The following FBXL13 variants were observed in gnomAD, a reference collection of about 807,000 sequenced individuals.
FBXL13 encodes F-box and leucine-rich repeat protein 13.
FBXL13 carries 67 observed loss-of-function variants against 83.6 expected under a neutral mutation model. That is an observed-to-expected ratio of 0.80 (90% CI 0.66 to 0.98). The LOEUF (loss-of-function observed/expected upper bound fraction) is 0.98. Among genes scored for constraint, FBXL13 ranks in the 50% least tolerant of loss-of-function variants. FBXL13 has a pLI of 0.00. For synonymous variants in FBXL13, 272 were observed against 299.5 expected, an observed-to-expected ratio of 0.91 and a Z score of 0.95; for missense variants, 822 against 866.5, an observed-to-expected ratio of 0.95 and a Z score of 0.64.
At chr7:102,958,635 T>A (rs866006827) in intron 8 of FBXL13, among the ~76,000 whole-genome samples, 2 of 151,976 alleles carry the variant, frequency 1.3e-5, no homozygotes, top group Middle Eastern at 3.2e-3. Context: ...TTTATTAACT[T>A]TTTATTACTA....
At position 102,891,445 on chromosome 7, in the gene FBXL13, T is replaced by C. The variant is rs550961744; in HGVS notation, c.1009-7133A>G. The stretch of plus-strand genomic sequence containing the variant: ...ACAGTTACCTGCACACATGTCTAGT[T>C]TCCCTCCCAAGAAGCATGGACAGCA... On this transcript the variant is annotated intron_variant, in intron 11 of 19. Coordinates refer to ENST00000313221, the Ensembl canonical transcript of FBXL13. Among the ~76,000 whole-genome samples the C allele has an allele frequency of 3.3e-5, 5 of 152,364 alleles. No homozygotes were observed. In the South Asian group the frequency reaches 6.2e-4, roughly 19 times the overall value.
intron 6 of FBXL13, among the ~76,000 whole-genome samples, chr7:102,985,312 G>A (rs1020655550): frequency 6.6e-6 from 1 of 152,186 alleles, no homozygotes; most frequent in East Asian, 1.9e-4. Flanking sequence ...GTGACAGTCT[G>A]CACTTCACAC....
chr7:102,879,599 T>TG (rs1809746171), intron 14 of FBXL13, among the ~76,000 whole-genome samples: 1 of 152,178 alleles, frequency 6.6e-6, no homozygotes, highest in Non-Finnish European at 1.5e-5. Flanking sequence ...CATGCTGTTT[T>TG]TTTGTTTGTT....
At chr7:102,849,285 A>T (rs190146923) in intron 17 of FBXL13, among the ~76,000 whole-genome samples, 1 of 152,234 alleles carries the variant, frequency 6.6e-6, no homozygotes, top group Non-Finnish European at 1.5e-5. Flanking sequence ...TGTTGTTCTC[A>T]GAAAAGAACT....
chr7:102,834,098 G>GGA (rs1432090797), intron 17 of FBXL13, among the ~76,000 whole-genome samples: 1,829 of 93,656 alleles, frequency 0.02, 70 homozygotes, highest in African/African-American at 0.053. Flanking sequence ...AAGAAAGAAA[G>GGA]AAAGAAAGAA....
chr7:102,856,059 A>G (rs1177461968), intron 16 of FBXL13, among the ~76,000 whole-genome samples: 1 of 152,144 alleles, frequency 6.6e-6, no homozygotes, highest in Non-Finnish European at 1.5e-5. Context: ...TTTATGCTGA[A>G]TTTATTCCTG....
chr7:102,908,104 C>T (rs776154959), intron 11 of FBXL13, among the ~76,000 whole-genome samples: 1 of 152,078 alleles, frequency 6.6e-6, no homozygotes, highest in Non-Finnish European at 1.5e-5. Flanking sequence ...GCTATAAAGA[C>T]TCATTCTTTT....
At chr7:102,830,081 T>G (rs1479630037) in intron 18 of FBXL13, among the ~76,000 whole-genome samples, 1 of 152,144 alleles carries the variant, frequency 6.6e-6, no homozygotes, top group African/African-American at 2.4e-5. Flanking sequence ...TCTAAACCTT[T>G]GATACAGAGT....
At chr7:102,877,938 A>C (rs952562704) in intron 15 of FBXL13, among the ~76,000 whole-genome samples, 10 of 152,148 alleles carry the variant, frequency 6.6e-5, no homozygotes, top group South Asian at 2.1e-4. Context: ...AGTTTGCTAC[A>C]GGAATTGTAC....
intron 11 of FBXL13, among the ~76,000 whole-genome samples, chr7:102,890,134 C>A (rs1811352571): frequency 6.6e-6 from 1 of 152,138 alleles, no homozygotes; most frequent in African/African-American, 2.4e-5. Flanking sequence ...ACATATTCCT[C>A]CCAGAATCTT....
At chr7:102,843,243 A>C (rs1013549201) in intron 17 of FBXL13, among the ~76,000 whole-genome samples, 3 of 152,156 alleles carry the variant, frequency 2.0e-5, no homozygotes, top group African/African-American at 7.2e-5. Flanking sequence ...CAGGAGTTCA[A>C]GACCAGTCTG....
intron 2 of FBXL13, among the ~76,000 whole-genome samples, chr7:103,033,761 C>T (rs1794773504): frequency 6.6e-6 from 1 of 152,112 alleles, no homozygotes; most frequent in Non-Finnish European, 1.5e-5. Flanking sequence ...AACAAAGCTT[C>T]CACAGTGTGG....
At chr7:102,880,963 A>G (rs1019714839) in intron 14 of FBXL13, among the ~76,000 whole-genome samples, 1 of 152,154 alleles carries the variant, frequency 6.6e-6, no homozygotes, top group Non-Finnish European at 1.5e-5. Context: ...TTCACTATTC[A>G]TCTCAAGGAA....
intron 18 of FBXL13, 94 bp downstream of exon 19, chr7:102,832,746 G>C: frequency 7.2e-7 from 1 of 1,392,466 alleles, no homozygotes; most frequent in Non-Finnish European, 9.5e-7. Flanking sequence ...ATGGCAAAGA[G>C]AACATATTCT....
chr7:103,062,037 A>AC (rs1382722064), intron 1 of FBXL13, among the ~76,000 whole-genome samples: 5 of 151,388 alleles, frequency 3.3e-5, no homozygotes, highest in Admixed American at 6.6e-5. Context: ...AAAAAAAAAA[A>AC]AAAAAAACAA....
chr7:102,981,486 T>C (rs1459797349), intron 6 of FBXL13, among the ~76,000 whole-genome samples: 2 of 152,176 alleles, frequency 1.3e-5, no homozygotes, highest in Non-Finnish European at 2.9e-5. Context: ...AAGACATACT[T>C]TCTCTAGAAG....
chr7:103,011,510 A>T (rs1791617558), intron 6 of FBXL13, among the ~76,000 whole-genome samples: 1 of 152,016 alleles, frequency 6.6e-6, no homozygotes, highest in Non-Finnish European at 1.5e-5. Flanking sequence ...GTGGTGGCAC[A>T]TGCCTGTAAT....
intron 6 of FBXL13, among the ~76,000 whole-genome samples, chr7:103,022,861 G>C (rs758248471): frequency 6.6e-6 from 1 of 152,032 alleles, no homozygotes; most frequent in Non-Finnish European, 1.5e-5. Context: ...AGCAGCAAAA[G>C]AAACTATCAA....
chr7:103,016,113 T>C (rs920897629), intron 6 of FBXL13, among the ~76,000 whole-genome samples: 1 of 152,196 alleles, frequency 6.6e-6, no homozygotes, highest in African/African-American at 2.4e-5. Context: ...TCAATGCTAT[T>C]CTTATCAAAC....
Sources: allele counts gnomAD v4.1 joint callset (sites outside exome capture counted in the v4.1 genomes callset), GRCh38; gene constraint gnomAD v4.1.1; transcripts MANE v1.5; gene names NCBI Gene and HGNC (gene_info 2026-07-23, HGNC 2026-07-21).